PRPF3: variants seen among roughly 807,000 people sequenced by gnomAD.
The protein encoded by PRPF3 is pre-mRNA processing factor 3.
Under a neutral mutation model 89.2 loss-of-function variants are expected in PRPF3, and 3 were observed. That is an observed-to-expected ratio of 0.03 (90% confidence interval 0.02 to 0.09). The LOEUF (loss-of-function observed/expected upper bound fraction) is 0.09. Among genes scored for constraint, PRPF3 ranks in the 10% least tolerant of loss-of-function variants. The pLI, the probability that PRPF3 is intolerant of heterozygous loss-of-function variation, is 1.00. For missense variants in PRPF3, 463 were observed against 828.8 expected, an observed-to-expected ratio of 0.56 and a Z score of 5.42; for synonymous variants, 270 against 289.1, an observed-to-expected ratio of 0.93 and a Z score of 0.67.
intron 15 of PRPF3, among the ~76,000 whole-genome samples, chr1:150,351,048 C>T (rs1238071376): frequency 6.6e-6 from 1 of 151,822 alleles, no homozygotes; most frequent in South Asian, 2.1e-4. Context: ...GGGCGGATTA[C>T]GAGGTCAGGA....
intron 15 of PRPF3, 90 bp downstream of exon 15, chr1:150,349,308 A>C (rs1242265679): frequency 2.1e-6 from 2 of 957,064 alleles, no homozygotes; most frequent in Non-Finnish European, 3.4e-6. Flanking sequence ...GTAAGATGTA[A>C]TCAGTGAATA....
chr1:150,326,001 T>A, intron 3 of PRPF3, 120 bp downstream of exon 3: 1 of 1,261,492 alleles, frequency 7.9e-7, no homozygotes, highest in Non-Finnish European at 1.1e-6. Flanking sequence ...TCAAGAGAGG[T>A]ACTTAGACAT....
intron 7 of PRPF3, 136 bp downstream of exon 7, chr1:150,335,377 A>G: frequency 9.6e-7 from 1 of 1,039,538 alleles, no homozygotes. Flanking sequence ...TTTTGGCACC[A>G]GGGACTTGTT....
rs902891763 is a variant in PRPF3 at position 150,335,386 on chromosome 1, T to C, written c.1035+145T>C. The C allele has an allele frequency of 6.5e-5, 62 of 958,070 alleles. No homozygotes were observed. The Middle Eastern group carries it at 1.3e-3, about 20-fold the overall frequency. The allele number at this position is 958,070 out of a possible 1,614,324, so 59.3% of individuals were successfully genotyped here. On this transcript the variant is annotated intron_variant, in intron 7 of 15. Coordinates refer to ENST00000324862, the MANE Select transcript of PRPF3 (RefSeq NM_004698.4). ...CAACCTTTTTGGCACCAGGGACTTGTTTCATGGAAGATAATTTTTCCCCTG... is the reference window on the plus strand; with the variant it reads ...CAACCTTTTTGGCACCAGGGACTTGCTTCATGGAAGATAATTTTTCCCCTG...
At chr1:150,341,713 T>G (rs587629990) in intron 9 of PRPF3, among the ~76,000 whole-genome samples, 18 of 151,146 alleles carry the variant, frequency 1.2e-4, no homozygotes, top group Non-Finnish European at 1.9e-4. Context: ...GCCTTTTTTT[T>G]TTTTTTGAGT....
At chr1:150,343,169 G>T in intron 9 of PRPF3, 140 bp from the exon 10 acceptor site, 1 of 381,712 alleles carries the variant, frequency 2.6e-6, no homozygotes, top group Non-Finnish European at 4.1e-6. Flanking sequence ...TTGAACCCAG[G>T]AGGCAGAGGC....
intron 11 of PRPF3, 33 bp downstream of exon 11, chr1:150,344,294 G>T: frequency 1.2e-6 from 2 of 1,613,846 alleles, no homozygotes; most frequent in Admixed American, 1.7e-5. Flanking sequence ...GAAACCTCGG[G>T]CAAGTACCTT....
chr1:150,352,003 GA>G (rs1313745948), intron 15 of PRPF3, among the ~76,000 whole-genome samples: 3 of 152,088 alleles, frequency 2.0e-5, no homozygotes, highest in Non-Finnish European at 4.4e-5. Context: ...TCTACTCCCT[GA>G]ACGCCTCTTG....
chr1:150,324,902 A>G lies in PRPF3; in HGVS notation c.-41A>G, dbSNP rs199983959. 34 of 1,431,870 alleles carry G rather than the reference A, an allele frequency of 2.4e-5. No individual in the cohort carries two copies. In the African/African-American group the frequency reaches 4.8e-4, roughly 20 times the overall value. The allele number at this position is 1,431,870 out of a possible 1,614,324, so 88.7% of individuals were successfully genotyped here. A position where few individuals can be genotyped will look rare whatever the true frequency, so the allele number is the denominator to read the frequency against. On this transcript the variant is annotated 5_prime_UTR_variant, in exon 2 of 16. Transcript: ENST00000324862. The stretch of plus-strand genomic sequence containing the variant: ...TCTCTTTTTTTTTTTTAGGTGTAGT[A>G]TTGAGTCCTGTTTGAGCTATTGTTC...
chr1:150,339,563 A>G (rs1553869567), intron 8 of PRPF3, among the ~76,000 whole-genome samples: 1 of 151,618 alleles, frequency 6.6e-6, no homozygotes, highest in African/African-American at 2.4e-5. Flanking sequence ...CAGCCTCCCA[A>G]GTAGCTGAGA....
intron 11 of PRPF3, 41 bp downstream of exon 11, chr1:150,344,302 C>T (rs782415165): frequency 6.2e-7 from 1 of 1,613,764 alleles, no homozygotes; most frequent in African/African-American, 1.3e-5. Context: ...GGGCAAGTAC[C>T]TTTCCCAAAC....
intron 3 of PRPF3, chr1:150,327,958 T>G: frequency 3.5e-6 from 1 of 288,672 alleles, no homozygotes; most frequent in Non-Finnish European, 6.7e-6. Flanking sequence ...TTAATCAGAG[T>G]GGGATAGGTT....
chr1:150,329,745 A>G (rs1474211102), intron 4 of PRPF3: 1 of 152,210 alleles, frequency 6.6e-6, no homozygotes, highest in Non-Finnish European at 1.5e-5. Context: ...TGATATTTAC[A>G]GAAGGAAAGA....
intron 13 of PRPF3, 75 bp downstream of exon 13, chr1:150,346,211 A>G: frequency 7.1e-7 from 1 of 1,401,294 alleles, no homozygotes. Flanking sequence ...GTGGGGAGAA[A>G]GGAGAAAAAG....
At chr1:150,323,173 C>T (rs868916811) in intron 1 of PRPF3, among the ~76,000 whole-genome samples, 20 of 48,286 alleles carry the variant, frequency 4.1e-4, no homozygotes, top group South Asian at 1.1e-3. Flanking sequence ...CCGCACCTGG[C>T]TTTTTTTTTT....
chr1:150,323,407 G>C (rs1655323743), intron 1 of PRPF3, among the ~76,000 whole-genome samples: 1 of 151,832 alleles, frequency 6.6e-6, no homozygotes, highest in Non-Finnish European at 1.5e-5. Context: ...ACTTTCGGAG[G>C]TCAAGGTGGG....
rs782484212 is a variant in PRPF3 at position 150,352,945 on chromosome 1, C to G, written c.2018C>G (p.Ala673Gly). 6.2e-7 allele frequency: 1 copy of G among 1,614,096 alleles called. No homozygotes were observed. Among genetic ancestry groups the G allele is most frequent in the Non-Finnish European group, 8.5e-7 (1 of 1,179,998 alleles). Reference protein sequence around the residue: ...KHGAEHYWDLALSESVLESTD With the variant: ...KHGAEHYWDLGLSESVLESTD ...GGGGCTGAACACTACTGGGACCTTGCGCTGAGTGAATCTGTGTTAGAGTCC... is the reference window on the plus strand; with the variant it reads ...GGGGCTGAACACTACTGGGACCTTGGGCTGAGTGAATCTGTGTTAGAGTCC... The change falls in exon 16 of 16, where the codon GCG becomes GGG. Residue 673 changes from alanine (A) to glycine (G), a missense_variant. By Grantham distance (60) the Ala-to-Gly change is moderately conservative. This residue lies in a region of PRPF3 where 78 missense variants were observed against 96.6 expected (regional missense o/e 0.81). Transcript: ENST00000324862.
At chr1:150,325,469 A>G (rs1553863482) in intron 2 of PRPF3, among the ~76,000 whole-genome samples, 2 of 152,174 alleles carry the variant, frequency 1.3e-5, no homozygotes, top group Non-Finnish European at 2.9e-5. Context: ...GGCTTCTACA[A>G]CTTGCTATTT....
Position 150,343,343 on chromosome 1 carries a change from T to C in PRPF3, c.1317T>C (p.Tyr439=), listed in dbSNP as rs782312050. The C allele has an allele frequency of 1.3e-5, 19 of 1,518,944 alleles. No homozygotes were observed. Among genetic ancestry groups the C allele is most frequent in the Admixed American group, 1.7e-5 (1 of 57,660 alleles). The allele number at this position is 1,518,944 out of a possible 1,614,324, so 94.1% of individuals were successfully genotyped here. A position where few individuals can be genotyped will look rare whatever the true frequency, so the allele number is the denominator to read the frequency against. Residue 439 remains tyrosine (Y), a synonymous_variant, in exon 10 of 16, where the codon TAT becomes TAC. Transcript: ENST00000324862. ...ACACACCAGTTACTCTGGGAGTATATCTTACCAAGAAGGAACAGAAAAAAC... is the reference window on the plus strand; with the variant it reads ...ACACACCAGTTACTCTGGGAGTATACCTTACCAAGAAGGAACAGAAAAAAC... ...DNDTPVTLGV[Y]LTKKEQKKLR... is the part of the protein sequence containing the mutation.
Sources: gnomAD v4.1 joint callset for allele counts (sites outside exome capture counted in the v4.1 genomes callset) on GRCh38, gnomAD v4.1.1 for gene constraint, gnomAD v4.1.1 regional missense constraint, MANE v1.5 for transcripts, NCBI Gene and HGNC (gene_info 2026-07-23, HGNC 2026-07-21) for gene names.